The following FRMD7 variants were observed in gnomAD, a reference collection of about 807,000 sequenced individuals.
FRMD7 encodes FERM domain-containing protein 7.
In FRMD7, 14 loss-of-function variants were observed where a neutral mutation model predicts 44.1. The ratio of observed to expected loss-of-function variants is 0.32; its 90% confidence interval spans 0.21 to 0.50. The LOEUF is 0.50. FRMD7 is among the 20% of genes least tolerant of loss of function. The probability of loss-of-function intolerance (pLI) is 0.99; values close to 1 mark genes in which losing one functional copy is unlikely to be tolerated. For missense variants in FRMD7, 501 were observed against 522.3 expected, an observed-to-expected ratio of 0.96 and a Z score of 0.40; for synonymous variants, 212 against 187.4, an observed-to-expected ratio of 1.13 and a Z score of -1.07.
chrX:132,111,096 C>T (rs1928767624), intron 1 of FRMD7, among the ~76,000 whole-genome samples: 1 of 111,208 alleles, frequency 9.0e-6, no homozygotes, highest in Non-Finnish European at 1.9e-5. Flanking sequence ...AGGTGGGAGC[C>T]CAGGAGTTCA....
chrX:132,110,154 G>A (rs182970176), intron 1 of FRMD7, among the ~76,000 whole-genome samples: 2 of 111,356 alleles, frequency 1.8e-5, no homozygotes, highest in East Asian at 5.6e-4. Context: ...ATAGATATGT[G>A]GTGAGGCCTG....
Position 132,077,541 on chromosome X carries a change from C to T in FRMD7, c.*331G>A, listed in dbSNP as rs997473108. ...CGCTAATTCCATATGCCAACCCATACTGTCACCATTCTTCAGCATTGAAGA... is the reference window on the plus strand; with the variant it reads ...CGCTAATTCCATATGCCAACCCATATTGTCACCATTCTTCAGCATTGAAGA... On this transcript the variant is annotated 3_prime_UTR_variant, in exon 12 of 12. Coordinates refer to ENST00000298542, the MANE Select transcript of FRMD7 (RefSeq NM_194277.3). 1.2e-5 allele frequency: 3 copies of T among 256,908 alleles called. No homozygotes were observed. The highest frequency in any genetic ancestry group is 1.6e-4 in the East Asian group (2 of 12,167). 21.2% of individuals were successfully genotyped at this position (256,908 alleles called of 1,213,427 possible).
At position 132,078,085 on chromosome X, in the gene FRMD7, C is replaced by G. The variant is rs753528994; in HGVS notation, c.1932G>C (p.Arg644Ser). The G allele has an allele frequency of 8.3e-6, 10 of 1,209,799 alleles. No homozygotes were observed. The highest frequency in any genetic ancestry group is 2.2e-5 in the Admixed American group (1 of 45,744). Residue 644 changes from arginine (R) to serine (S), a missense_variant, in exon 12 of 12, where the codon AGG becomes AGC. Physicochemically the swap from Arg to Ser is moderately radical, Grantham distance 110 (BLOSUM62 -1). Coordinates refer to ENST00000298542, the MANE Select transcript of FRMD7 (RefSeq NM_194277.3). ...AATCACTGGATTCACTAGCTACATACCTTTCTGCTGTACTTTGATCCATTA... is the reference window on the plus strand; with the variant it reads ...AATCACTGGATTCACTAGCTACATAGCTTTCTGCTGTACTTTGATCCATTA... ...AVLMDQSTAE[R>S]YVASESSDSE...
rs1491152797 is a variant in FRMD7 at position 132,107,633 on chromosome X, G to GA, written c.58-6918_58-6917insT. ...AGAGAGAGAGAGAGAGAGAGAGAGA[G>GA]GGAGGGAGAATCTTCCTCTTCTTAT... On this transcript the variant is annotated intron_variant, in intron 1 of 11. Coordinates refer to ENST00000298542, the MANE Select transcript of FRMD7 (RefSeq NM_194277.3). Among the ~76,000 whole-genome samples, 187 of 108,944 alleles carry GA rather than the reference G, an allele frequency of 1.7e-3. No individual in the cohort carries two copies. In the Middle Eastern group the frequency reaches 0.02, roughly 11 times the overall value. The allele number at this position is 108,944 out of a possible 115,157, so 94.6% of individuals were successfully genotyped here.
intron 5 of FRMD7, among the ~76,000 whole-genome samples, chrX:132,089,172 G>A (rs752397525): frequency 8.9e-6 from 1 of 112,249 alleles, no homozygotes; most frequent in Non-Finnish European, 1.9e-5. Context: ...ACATAAGTGA[G>A]AGTACAGAAG....
chrX:132,120,271 A>G (rs1286449163), intron 1 of FRMD7, among the ~76,000 whole-genome samples: 1 of 112,682 alleles, frequency 8.9e-6, no homozygotes, highest in Non-Finnish European at 1.9e-5. Context: ...AGCGGGAGAG[A>G]GAAACTCCTA....
chrX:132,117,596 A>G (rs1468956308), intron 1 of FRMD7, among the ~76,000 whole-genome samples: 1 of 111,748 alleles, frequency 8.9e-6, no homozygotes, highest in Admixed American at 9.5e-5. Flanking sequence ...GCAGGGAACA[A>G]AAGAAACAGA....
chrX:132,090,858 C>A (rs1448649555), intron 5 of FRMD7, among the ~76,000 whole-genome samples: 5 of 111,192 alleles, frequency 4.5e-5, no homozygotes, highest in African/African-American at 1.3e-4. Context: ...TCTCTCCATA[C>A]AAGACTATAG....
chrX:132,094,365 A>G (rs957849411), intron 4 of FRMD7: 8 of 386,765 alleles, frequency 2.1e-5, no homozygotes, highest in African/African-American at 2.0e-4. Context: ...AGCCATTAGG[A>G]ATCACCCTGG....
Position 132,077,805 on chromosome X carries a change from A to G in FRMD7, c.*67T>C. On this transcript the variant is annotated 3_prime_UTR_variant, in exon 12 of 12. Coordinates refer to ENST00000298542, the MANE Select transcript of FRMD7 (RefSeq NM_194277.3). ...AGTAACCAAGAAAATGGTTTCTACAACTTCATTATTTTCTGCCTAAGTCGG... is the reference window on the plus strand; with the variant it reads ...AGTAACCAAGAAAATGGTTTCTACAGCTTCATTATTTTCTGCCTAAGTCGG... 2 of 1,202,836 alleles carry G rather than the reference A, an allele frequency of 1.7e-6. No homozygotes were observed. The highest frequency in any genetic ancestry group is 2.2e-6 in the Non-Finnish European group (2 of 890,342).
chrX:132,078,724 A>T lies in FRMD7; in HGVS notation c.1293T>A (p.Pro431=). The T allele has an allele frequency of 8.3e-7, 1 of 1,210,849 alleles. No individual in the cohort carries two copies. The highest frequency in any genetic ancestry group is 1.1e-6 in the Non-Finnish European group (1 of 894,543). The change falls in exon 12 of 12, where the codon CCT becomes CCA. Residue 431 remains proline, a synonymous_variant. Coordinates refer to ENST00000298542, the MANE Select transcript of FRMD7 (RefSeq NM_194277.3). ...PVFNTEPNPN[P]DPRDIFSERS... is the part of the protein sequence containing the mutation. ...TCTCTGAAAAAATGTCTCTGGGATCAGGGTTAGGATTGGGCTCAGTGTTAA... is the reference window on the plus strand; with the variant it reads ...TCTCTGAAAAAATGTCTCTGGGATCTGGGTTAGGATTGGGCTCAGTGTTAA...
intron 1 of FRMD7, among the ~76,000 whole-genome samples, chrX:132,110,948 G>A (rs979712245): frequency 1.8e-5 from 2 of 112,209 alleles, no homozygotes; most frequent in African/African-American, 6.5e-5. Context: ...GCTTTGGAAG[G>A]CCAAGGCAAG....
intron 4 of FRMD7, 82 bp from the exon 5 acceptor site, chrX:132,094,221 A>G: frequency 1.6e-6 from 1 of 640,740 alleles, no homozygotes. Flanking sequence ...ATCCAAGATG[A>G]TTCAAGAAAG....
Position 132,105,801 on chromosome X carries a change from A to G in FRMD7, c.58-5085T>C, listed in dbSNP as rs1928630918. 3.6e-5 allele frequency among the ~76,000 whole-genome samples: 4 copies of G among 112,145 alleles called. No individual in the cohort carries two copies. The South Asian group carries it at 1.5e-3, about 41-fold the overall frequency. On this transcript the variant is annotated intron_variant, in intron 1 of 11. Coordinates refer to ENST00000298542, the MANE Select transcript of FRMD7 (RefSeq NM_194277.3). Reference sequence around the variant, plus strand: ...ATAAATGGTGCCTGAATAACTGGCTAGCTATATGCAGAAGATTGAAGCTGG... The same window carrying G: ...ATAAATGGTGCCTGAATAACTGGCTGGCTATATGCAGAAGATTGAAGCTGG...
In FRMD7 at chrX:132,077,444, T is replaced by C. The variant is rs781554459; in HGVS notation, c.*428A>G. The C allele has an allele frequency of 7.1e-6, 1 of 140,598 alleles. No homozygotes were observed. The highest frequency in any genetic ancestry group is 7.7e-5 in the Admixed American group (1 of 12,969). The allele number at this position is 140,598 out of a possible 1,213,427, so 11.6% of individuals were successfully genotyped here. ...CACACAAATAGTAAAGACTGAAATA[T>C]TTGTTCAGTGTTGTTTAAGAGCACA... is the stretch of plus-strand genomic sequence containing the variant. On this transcript the variant is annotated 3_prime_UTR_variant, in exon 12 of 12. Coordinates refer to ENST00000298542, the MANE Select transcript of FRMD7 (RefSeq NM_194277.3).
At position 132,082,419 on chromosome X, in the gene FRMD7, C is replaced by T. The variant is rs899378158; in HGVS notation, c.849G>A (p.Glu283=). ...GTAGGGTTTTGGGCTTTGATTTGGG[C>T]TCTTCCGAAAGCCTGAAGAAAGCAT... ...EYHAFFRLSE[E]PKSKPKTLLC... is the part of the protein sequence containing the mutation. Residue 283 remains glutamate (E), a synonymous_variant, in exon 9 of 12, where the codon GAG becomes GAA. Transcript: ENST00000298542. The T allele has an allele frequency of 2.5e-6, 3 of 1,208,509 alleles. No homozygotes were observed. In the African/African-American group the frequency reaches 5.2e-5, roughly 21 times the overall value.
intron 2 of FRMD7, 97 bp from the exon 3 acceptor site, chrX:132,099,607 T>C: frequency 5.1e-6 from 3 of 588,613 alleles, no homozygotes; most frequent in Non-Finnish European, 8.5e-6. Flanking sequence ...AATAAATGAG[T>C]ACCAGGACTA....
rs755772479 is a variant in FRMD7 at position 132,081,204 on chromosome X, G to A, written c.906-938C>T. On this transcript the variant is annotated intron_variant, in intron 9 of 11. Transcript: ENST00000298542. ...AAAAATTAGCCGGGTGTGGTGGCCC[G>A]CGCCTGTAATTCCAGCTACTTGGGA... 8.1e-5 allele frequency among the ~76,000 whole-genome samples: 9 copies of A among 111,227 alleles called. No individual in the cohort carries two copies. In the East Asian group the frequency reaches 1.1e-3, roughly 14 times the overall value.
At chrX:132,127,526 T>A (rs1251874409) in intron 1 of FRMD7, among the ~76,000 whole-genome samples, 6 of 112,515 alleles carry the variant, frequency 5.3e-5, no homozygotes, top group Non-Finnish European at 1.1e-4. Flanking sequence ...GCTGCTTTAC[T>A]TTTTGCAAAT....
Sources: allele counts gnomAD v4.1 joint callset (sites outside exome capture counted in the v4.1 genomes callset), GRCh38; gene constraint gnomAD v4.1.1; transcripts MANE v1.5; gene names NCBI Gene and HGNC (gene_info 2026-07-23, HGNC 2026-07-21).